The following APC variants were observed in gnomAD, a reference collection of about 807,000 sequenced individuals.
APC encodes the protein adenomatous polyposis coli protein.
Under a neutral mutation model 247.0 loss-of-function variants are expected in APC, and 72 were observed. The ratio of observed to expected loss-of-function variants is 0.29; its 90% CI spans 0.24 to 0.35. The LOEUF (loss-of-function observed/expected upper bound fraction) is 0.35. APC is among the 10% of genes least tolerant of loss of function. The pLI, the probability that APC is intolerant of heterozygous loss-of-function variation, is 1.00. For missense variants in APC, 3,400 were observed against 3,360.7 expected (o/e 1.01, Z -0.29); for synonymous variants, 1,254 against 1,162.5 (o/e 1.08, Z -1.60).
intron 2 of APC, among the ~76,000 whole-genome samples, chr5:112,760,288 G>C (rs1755508510): frequency 6.6e-6 from 1 of 152,154 alleles, no homozygotes; most frequent in Non-Finnish European, 1.5e-5. Context: ...AGCTCTAAAT[G>C]CATGGCTCAT....
At chr5:112,834,517 A>G (rs1457010161) in intron 14 of APC, among the ~76,000 whole-genome samples, 1 of 151,976 alleles carries the variant, frequency 6.6e-6, no homozygotes, top group Non-Finnish European at 1.5e-5. Context: ...TGCTGGGATT[A>G]CAGGCATGAG....
chr5:112,773,779 C>A (rs868815982), intron 4 of APC, among the ~76,000 whole-genome samples: 1 of 152,048 alleles, frequency 6.6e-6, no homozygotes, highest in African/African-American at 2.4e-5. Context: ...AAAGCACTAT[C>A]ATTTTTAATA....
intron 1 of APC, 61 bp downstream of exon 1, chr5:112,737,986 C>T: frequency 3.1e-6 from 3 of 953,950 alleles, no homozygotes; most frequent in Non-Finnish European, 3.7e-6. Context: ...GGTGGTTTTC[C>T]CTCGCACTGT....
chr5:112,741,028 C>T (rs1752952435), intron 1 of APC, among the ~76,000 whole-genome samples: 1 of 152,060 alleles, frequency 6.6e-6, no homozygotes. Flanking sequence ...CCTACCTATG[C>T]AGCACATAAA....
upstream of APC, among the ~76,000 whole-genome samples, chr5:112,735,403 C>T (rs1342717408): frequency 6.6e-6 from 1 of 151,968 alleles, no homozygotes; most frequent in African/African-American, 2.4e-5. Flanking sequence ...GTCTCCAACT[C>T]CTGAGCTCAA....
At chr5:112,737,595 C>G (rs1354108833), upstream of APC, among the ~76,000 whole-genome samples, 4 of 152,256 alleles carry the variant, frequency 2.6e-5, no homozygotes, top group Non-Finnish European at 5.9e-5. Context: ...CCTCCCCCGA[C>G]TCTTTACTAT....
In APC at chr5:112,722,771, C is replaced by T. The variant is rs185511537; in HGVS notation, c.165+14889C>T. Among the ~76,000 whole-genome samples the T allele has an allele frequency of 1.1e-4, 17 of 152,250 alleles. No individual in the cohort carries two copies. In the East Asian group the frequency reaches 3.1e-3, roughly 28 times the overall value. On this transcript the variant is annotated intron_variant, in intron 1 of 13. Transcript: ENST00000507379. ...AGAGTGAGATATAGGGGCAGGGGCGCGGAGCTTCCATGCCTTCTCTGGGTG... is the reference window on the plus strand; with the variant it reads ...AGAGTGAGATATAGGGGCAGGGGCGTGGAGCTTCCATGCCTTCTCTGGGTG...
chr5:112,827,022 T>C (rs2149807571), intron 11 of APC, 86 bp from the exon 12 acceptor site: 3 of 1,357,096 alleles, frequency 2.2e-6, no homozygotes, highest in South Asian at 2.5e-5. Flanking sequence ...TTGAGTTTTT[T>C]TTTCCTAGTA....
In APC at chr5:112,843,359, G is replaced by A; in HGVS notation, c.7765G>A (p.Glu2589Lys). 6.2e-7 allele frequency: 1 copy of A among 1,613,882 alleles called. No individual in the cohort carries two copies. Among genetic ancestry groups the A allele is most frequent in the Non-Finnish European group, 8.5e-7 (1 of 1,179,900 alleles). ...ESSEKAKSED[E>K]KHVNSISGTK... ...CAGTGAAAAAGCAAAAAGTGAGGAT[G>A]AAAAACATGTGAACTCTATTTCAGG... Residue 2589 changes from glutamate (E) to lysine (K), a missense_variant, in exon 16 of 16, where the codon GAA becomes AAA. Glu to Lys is a moderately conservative substitution (Grantham distance 56). Around this residue, in one of 9 missense-constraint regions of APC, gnomAD observed 1,788 missense variants for 1,649.5 expected, o/e 1.08. Coordinates refer to ENST00000257430, the MANE Select transcript of APC (RefSeq NM_000038.6). This position sits in a 1 kb window ranked among gnomAD's most constrained non-coding sequence, Gnocchi z 4.8.
intron 7 of APC, among the ~76,000 whole-genome samples, chr5:112,795,666 A>G (rs889504949): frequency 1.2e-4 from 18 of 152,234 alleles, no homozygotes; most frequent in African/African-American, 4.1e-4. Context: ...ATTTTTTATT[A>G]TACCATTCTA....
rs906134908 is a variant in APC at position 112,845,772 on chromosome 5, T to G, written c.*1646T>G. 1 of 231,984 alleles carries G rather than the reference T, an allele frequency of 4.3e-6. No individual in the cohort carries two copies. Among genetic ancestry groups the G allele is most frequent in the Non-Finnish European group, 8.5e-6 (1 of 117,350 alleles). 14.4% of individuals were successfully genotyped at this position (231,984 alleles called of 1,614,324 possible). ...ATTTACTTAATATATCTTCCCTGAT[T>G]TGTTTTAAAAGATCAGAGGGTGACT... On this transcript the variant is annotated 3_prime_UTR_variant, in exon 16 of 16. Transcript: ENST00000257430.
At chr5:112,736,946 C>T (rs1013152440), upstream of APC, among the ~76,000 whole-genome samples, 2 of 152,180 alleles carry the variant, frequency 1.3e-5, no homozygotes, top group African/African-American at 4.8e-5. Context: ...GTATAGTATC[C>T]TTTTAAATTT....
chr5:112,836,047 G>A lies in APC; in HGVS notation c.1958+882G>A, dbSNP rs1348739086. Among the ~76,000 whole-genome samples, 7 of 117,670 alleles carry A rather than the reference G, an allele frequency of 5.9e-5. No homozygotes were observed. The Admixed American group carries it at 7.0e-4, about 12-fold the overall frequency. The allele number at this position is 117,670 out of a possible 152,430, so 77.2% of individuals were successfully genotyped here. On this transcript the variant is annotated intron_variant, in intron 15 of 15. Coordinates refer to ENST00000257430, the MANE Select transcript of APC (RefSeq NM_000038.6). Reference sequence around the variant, plus strand: ...TTTTTTTTTTTTTTCTTGAGATGGAGTCTTGCACTCTTGCCCGGGCTGGAG... The same window carrying A: ...TTTTTTTTTTTTTTCTTGAGATGGAATCTTGCACTCTTGCCCGGGCTGGAG...
At chr5:112,778,689 G>GGCA (rs1554072144) in intron 5 of APC, among the ~76,000 whole-genome samples, 60 of 32,582 alleles carry the variant, frequency 1.8e-3, no homozygotes, top group Middle Eastern at 0.017. Flanking sequence ...TGGGACTACA[G>GGCA]CATGCCACCA....
chr5:112,821,883 T>C lies in APC; in HGVS notation c.1313-13T>C, dbSNP rs1284762343. The C allele has an allele frequency of 6.2e-7, 1 of 1,600,996 alleles. No individual in the cohort carries two copies. The highest frequency in any genetic ancestry group is 1.7e-4 in the Middle Eastern group (1 of 6,012). ...AACAAAGCATTATGGTTTATGTTGA[T>C]TTTATTTTTCAGTGCCAGCTCCTGT... On this transcript the variant is annotated splice_polypyrimidine_tract_variant and intron_variant, in intron 10 of 15. Transcript: ENST00000257430.
chr5:112,837,516 G>A (rs367956339), intron 15 of APC, 37 bp from the exon 16 acceptor site: 203 of 1,512,356 alleles, frequency 1.3e-4, no homozygotes, highest in Non-Finnish European at 1.7e-4. Flanking sequence ...CATACACATT[G>A]TGACCTTAAT....
intron 2 of APC, among the ~76,000 whole-genome samples, chr5:112,755,845 C>G (rs1754914839): frequency 6.6e-6 from 1 of 151,894 alleles, no homozygotes; most frequent in African/African-American, 2.4e-5. Context: ...TGTGATGGCT[C>G]AGGCCTGTAA....
At chr5:112,772,186 G>T (rs1024248494) in intron 4 of APC, among the ~76,000 whole-genome samples, 2 of 152,112 alleles carry the variant, frequency 1.3e-5, no homozygotes, top group African/African-American at 2.4e-5. Context: ...ATGTGAAAAA[G>T]CATTTTTAAA....
At position 112,841,843 on chromosome 5, in the gene APC, A is replaced by G. The variant is rs374625279; in HGVS notation, c.6249A>G (p.Ile2083Met). 1.9e-6 allele frequency: 3 copies of G among 1,613,750 alleles called. No homozygotes were observed. Among genetic ancestry groups the G allele is most frequent in the African/African-American group, 2.7e-5 (2 of 74,924 alleles). Residue 2083 changes from isoleucine (I) to methionine (M), a missense_variant, in exon 16 of 16, where the codon ATA (isoleucine) becomes ATG (methionine). Transcript: ENST00000257430. This position sits in a 1 kb window ranked among gnomAD's most constrained non-coding sequence, Gnocchi z 4.6. ...GEDLTLDLKD[I>M]QRPDSEHGLS... is the part of the protein sequence containing the mutation. ...ATCTGACACTTGATTTGAAAGATAT[A>G]CAGAGACCAGATTCAGAACATGGTC...
Sources: gnomAD v4.1 joint callset for allele counts (sites outside exome capture counted in the v4.1 genomes callset) on GRCh38, gnomAD v4.1.1 for gene constraint, gnomAD v4.1.1 regional missense constraint, Gnocchi (gnomAD v3.1) non-coding constraint, MANE v1.5 for transcripts, NCBI Gene and HGNC (gene_info 2026-07-23, HGNC 2026-07-21) for gene names.